LRFN2: variants seen among roughly 807,000 people sequenced by gnomAD.
LRFN2 encodes leucine rich repeat and fibronectin type III domain containing 2.
A neutral mutation model predicts 37.3 loss-of-function variants in LRFN2; 18 were observed. That is an observed-to-expected ratio of 0.48 (90% CI 0.33 to 0.72). LRFN2 has a LOEUF of 0.72. Ranked by LOEUF, LRFN2 falls within the 30% of genes least tolerant of loss-of-function variation. The pLI is 0.02. For synonymous variants in LRFN2, 556 were observed against 466.6 expected (o/e 1.19, Z -2.47); for missense variants, 1,006 against 1,060.7 (o/e 0.95, Z 0.72).
intron 1 of LRFN2, among the ~76,000 whole-genome samples, chr6:40,521,792 G>A (rs1213952086): frequency 2.0e-5 from 3 of 152,104 alleles, no homozygotes; most frequent in Non-Finnish European, 4.4e-5. Flanking sequence ...TAAAGACACC[G>A]ATGAAAAGGG....
At chr6:40,567,901 G>A (rs915628682) in intron 1 of LRFN2, among the ~76,000 whole-genome samples, 1 of 151,956 alleles carries the variant, frequency 6.6e-6, no homozygotes, top group Non-Finnish European at 1.5e-5. Context: ...GGCTCTGCTG[G>A]AAAACCCACA....
chr6:40,438,297 C>G (rs1454597748), intron 1 of LRFN2, among the ~76,000 whole-genome samples: 5 of 152,152 alleles, frequency 3.3e-5, no homozygotes, highest in Admixed American at 2.0e-4. Flanking sequence ...GACTGGGTTT[C>G]TTCATGTAGT....
chr6:40,457,725 A>T (rs892211852), intron 1 of LRFN2, among the ~76,000 whole-genome samples: 1 of 151,432 alleles, frequency 6.6e-6, no homozygotes, highest in Non-Finnish European at 1.5e-5. Flanking sequence ...TTACCATGGG[A>T]TCTTGTGCAA....
intron 1 of LRFN2, among the ~76,000 whole-genome samples, chr6:40,508,833 A>G (rs1206686178): frequency 1.3e-5 from 2 of 152,126 alleles, no homozygotes; most frequent in African/African-American, 2.4e-5. Context: ...CACTCAACAC[A>G]CTGTCTTAGC....
At chr6:40,558,163 A>G (rs1766925620) in intron 1 of LRFN2, among the ~76,000 whole-genome samples, 1 of 152,162 alleles carries the variant, frequency 6.6e-6, no homozygotes, top group East Asian at 1.9e-4. Context: ...GAGGCCCCCA[A>G]GGAAGCTGTT....
At chr6:40,438,267 C>G (rs939739825) in intron 1 of LRFN2, among the ~76,000 whole-genome samples, 1 of 152,188 alleles carries the variant, frequency 6.6e-6, no homozygotes, top group Non-Finnish European at 1.5e-5. Context: ...AGGATAGAAA[C>G]AGTATCTCCT....
chr6:40,578,456 A>T (rs1177447150), intron 1 of LRFN2, among the ~76,000 whole-genome samples: 3 of 152,214 alleles, frequency 2.0e-5, no homozygotes, highest in African/African-American at 7.2e-5. Flanking sequence ...TCTGTGCCTC[A>T]GTTCCCCTTT....
At chr6:40,557,923 G>A (rs576173878) in intron 1 of LRFN2, among the ~76,000 whole-genome samples, 5 of 152,298 alleles carry the variant, frequency 3.3e-5, no homozygotes, top group South Asian at 2.1e-4. Context: ...TTCATTGCAC[G>A]GAAGGCTTTT....
rs1457938219 is a variant in LRFN2, at chr6:40,455,289, C to T, written c.-18-22158G>A. 3.3e-5 allele frequency among the ~76,000 whole-genome samples: 5 copies of T among 152,204 alleles called. 1 individual carries two copies. Among genetic ancestry groups the T allele is most frequent in the African/African-American group, 1.2e-4 (5 of 41,448 alleles). On this transcript the variant is annotated intron_variant, in intron 1 of 2. Transcript: ENST00000338305. ...CTACTTTGCACCACTCTACCAAACA[C>T]ATCATGATCTCATGGCCTCACCTGC...
At chr6:40,441,301 G>A (rs1000868906) in intron 1 of LRFN2, among the ~76,000 whole-genome samples, 9 of 152,182 alleles carry the variant, frequency 5.9e-5, no homozygotes, top group South Asian at 2.1e-4. Flanking sequence ...GTGTGAACGC[G>A]GAGGCTAGAA....
chr6:40,438,533 C>A (rs1763747799), intron 1 of LRFN2, among the ~76,000 whole-genome samples: 1 of 152,228 alleles, frequency 6.6e-6, no homozygotes, highest in Admixed American at 6.5e-5. Flanking sequence ...ACTACCCTAG[C>A]TACCCTGGAC....
intron 1 of LRFN2, among the ~76,000 whole-genome samples, chr6:40,503,133 G>A (rs564771938): frequency 3.3e-5 from 5 of 152,190 alleles, no homozygotes; most frequent in Non-Finnish European, 7.3e-5. Context: ...GCAGGGCCAC[G>A]AGGGCCAGGT....
chr6:40,406,191 G>A (rs1472661999), intron 2 of LRFN2, among the ~76,000 whole-genome samples: 2 of 152,228 alleles, frequency 1.3e-5, no homozygotes, highest in African/African-American at 4.8e-5. Context: ...AGATGATACA[G>A]CCCCGTCGCA....
chr6:40,437,785 G>A (rs1033999890), intron 1 of LRFN2, among the ~76,000 whole-genome samples: 3 of 152,162 alleles, frequency 2.0e-5, no homozygotes, highest in African/African-American at 7.2e-5. Flanking sequence ...GCAAGAATTT[G>A]GACAAATGCT....
At chr6:40,427,618 A>G (rs1461093743) in intron 2 of LRFN2, among the ~76,000 whole-genome samples, 1 of 152,232 alleles carries the variant, frequency 6.6e-6, no homozygotes, top group East Asian at 1.9e-4. Context: ...GCCCTTAGTG[A>G]ACCCATGTTA....
At chr6:40,498,220 C>G (rs1297648139) in intron 1 of LRFN2, among the ~76,000 whole-genome samples, 2 of 152,066 alleles carry the variant, frequency 1.3e-5, no homozygotes, top group South Asian at 4.2e-4. Context: ...AGATGGGACA[C>G]AGCTGGAAGG....
At chr6:40,478,343 C>T (rs1476758534) in intron 1 of LRFN2, among the ~76,000 whole-genome samples, 1 of 152,192 alleles carries the variant, frequency 6.6e-6, no homozygotes, top group Non-Finnish European at 1.5e-5. Context: ...TAATTGCCAC[C>T]ATTATCACCA....
At chr6:40,393,780 C>A (rs927044150) in intron 2 of LRFN2, among the ~76,000 whole-genome samples, 4 of 152,228 alleles carry the variant, frequency 2.6e-5, no homozygotes, top group African/African-American at 9.6e-5. Flanking sequence ...CTTTCTGGAC[C>A]AGGTGCTGTG....
intron 1 of LRFN2, among the ~76,000 whole-genome samples, chr6:40,577,411 C>A (rs977960645): frequency 3.3e-5 from 5 of 152,170 alleles, no homozygotes; most frequent in African/African-American, 1.2e-4. Context: ...CCCCAAGGCC[C>A]ATTTTCTTGC....
Sources: allele counts gnomAD v4.1 joint callset (sites outside exome capture counted in the v4.1 genomes callset), GRCh38; gene constraint gnomAD v4.1.1; transcripts MANE v1.5; gene names NCBI Gene and HGNC (gene_info 2026-07-23, HGNC 2026-07-21).